Variants in CPEB3 observed in about 807,000 individuals in gnomAD.
The protein encoded by CPEB3 is cytoplasmic polyadenylation element binding protein 3, also known as cytoplasmic polyadenylation element-binding protein 3.
Under a neutral mutation model 67.2 loss-of-function variants are expected in CPEB3, and 20 were observed. That is an observed-to-expected ratio of 0.30 (90% CI 0.21 to 0.43). The LOEUF (loss-of-function observed/expected upper bound fraction) is 0.43. Ranked by LOEUF, CPEB3 falls within the 20% of genes least tolerant of loss-of-function variation. The pLI is 1.00. For synonymous variants in CPEB3, 376 were observed against 393.1 expected (o/e 0.96, Z 0.51); for missense variants, 746 against 968.6 (o/e 0.77, Z 3.05).
At chr10:92,231,979 C>T (rs1036368313) in intron 2 of CPEB3, among the ~76,000 whole-genome samples, 5 of 151,738 alleles carry the variant, frequency 3.3e-5, no homozygotes, top group Non-Finnish European at 5.9e-5. Flanking sequence ...CTCAGCCTCC[C>T]AAAGTGCTGG....
intron 9 of CPEB3, among the ~76,000 whole-genome samples, chr10:92,068,712 AC>A (rs1181160275): frequency 2.6e-5 from 4 of 152,242 alleles, no homozygotes; most frequent in Non-Finnish European, 5.9e-5. Context: ...ACATGAAAGA[AC>A]AGAGGAGGAC....
chr10:92,231,654 TG>T (rs1851272921), intron 2 of CPEB3, among the ~76,000 whole-genome samples: 1 of 152,202 alleles, frequency 6.6e-6, no homozygotes, highest in Non-Finnish European at 1.5e-5. Flanking sequence ...TGTCCACTAC[TG>T]TATGCTCCCC....
chr10:92,147,276 T>G (rs972065953), intron 4 of CPEB3, among the ~76,000 whole-genome samples: 1 of 151,990 alleles, frequency 6.6e-6, no homozygotes, highest in African/African-American at 2.4e-5. Flanking sequence ...GGAAACATGG[T>G]GAAACTCTGT....
intron 6 of CPEB3, chr10:92,119,107 TG>T (rs1845197121): frequency 6.3e-7 from 1 of 1,585,894 alleles, no homozygotes; most frequent in Non-Finnish European, 8.7e-7. Context: ...TATACCAGTC[TG>T]GAGTGGCTGT....
chr10:92,137,500 C>A (rs1846160036), intron 6 of CPEB3: 1 of 1,008,044 alleles, frequency 9.9e-7, no homozygotes, highest in East Asian at 2.4e-5. Context: ...AGCCACAAGG[C>A]CTTCTGATGT....
chr10:92,093,000 T>G (rs1429255616), intron 7 of CPEB3, among the ~76,000 whole-genome samples: 2 of 152,226 alleles, frequency 1.3e-5, no homozygotes, highest in African/African-American at 4.8e-5. Flanking sequence ...ATAAGGTATT[T>G]CTTTAGAATT....
At chr10:92,284,164 G>T (rs1416901742) in intron 1 of CPEB3, among the ~76,000 whole-genome samples, 2 of 151,290 alleles carry the variant, frequency 1.3e-5, no homozygotes, top group East Asian at 1.9e-4. Flanking sequence ...TTAGCCTCTT[G>T]ACTAGCTGGG....
chr10:92,283,373 C>T (rs1655356378), intron 1 of CPEB3, among the ~76,000 whole-genome samples: 1 of 152,164 alleles, frequency 6.6e-6, no homozygotes. Context: ...AATGAATTTT[C>T]TCATTTATTC....
At chr10:92,092,232 G>C (rs897582732) in intron 7 of CPEB3, among the ~76,000 whole-genome samples, 1 of 152,124 alleles carries the variant, frequency 6.6e-6, no homozygotes, top group African/African-American at 2.4e-5. Context: ...GGCTTTTAGA[G>C]ACAGAGTCTG....
chr10:92,222,547 A>G (rs1406514683), intron 2 of CPEB3, among the ~76,000 whole-genome samples: 1 of 152,186 alleles, frequency 6.6e-6, no homozygotes, highest in East Asian at 1.9e-4. Flanking sequence ...GAAGAGGGAA[A>G]AAGAGAAATT....
At chr10:92,184,039 A>T (rs1228244339) in intron 3 of CPEB3, among the ~76,000 whole-genome samples, 1 of 152,206 alleles carries the variant, frequency 6.6e-6, no homozygotes, top group South Asian at 2.1e-4. Context: ...CCTTTCCATA[A>T]GCTCCTAGAA....
chr10:92,210,934 G>C (rs1850050197), intron 2 of CPEB3, among the ~76,000 whole-genome samples: 1 of 152,190 alleles, frequency 6.6e-6, no homozygotes, highest in Non-Finnish European at 1.5e-5. Flanking sequence ...TACTCAGGAG[G>C]CTGAGGCAGG....
chr10:92,054,830 T>C (rs1255212874), intron 9 of CPEB3, among the ~76,000 whole-genome samples: 2 of 152,230 alleles, frequency 1.3e-5, no homozygotes. Flanking sequence ...CAGTTGGATA[T>C]TGTTCCTGCT....
At chr10:92,273,474 C>A (rs947375785) in intron 1 of CPEB3, among the ~76,000 whole-genome samples, 7 of 152,006 alleles carry the variant, frequency 4.6e-5, no homozygotes, top group South Asian at 2.1e-4. Context: ...AGATATAATA[C>A]CCTCACAAAG....
chr10:92,223,393 T>C (rs1850793292), intron 2 of CPEB3, among the ~76,000 whole-genome samples: 1 of 152,116 alleles, frequency 6.6e-6, no homozygotes. Flanking sequence ...AAAACCCACC[T>C]GATTTACGAG....
chr10:92,177,507 T>G (rs1848274973), intron 4 of CPEB3, among the ~76,000 whole-genome samples: 1 of 152,214 alleles, frequency 6.6e-6, no homozygotes, highest in African/African-American at 2.4e-5. Context: ...ATTCTTACTA[T>G]TAATAGATTC....
chr10:92,194,868 C>T (rs887919907), intron 2 of CPEB3, among the ~76,000 whole-genome samples: 4 of 151,896 alleles, frequency 2.6e-5, no homozygotes, highest in African/African-American at 4.8e-5. Flanking sequence ...GGTGAAACTC[C>T]GTCTCTACTA....
chr10:92,184,445 A>G (rs182185791), intron 3 of CPEB3, among the ~76,000 whole-genome samples: 19 of 152,264 alleles, frequency 1.2e-4, no homozygotes, highest in Non-Finnish European at 2.1e-4. Flanking sequence ...TCTACTAAAA[A>G]TACAAAAAAA....
At chr10:92,091,600 T>C (rs1207269957) in intron 8 of CPEB3, among the ~76,000 whole-genome samples, 6 of 152,236 alleles carry the variant, frequency 3.9e-5, no homozygotes, top group Non-Finnish European at 7.3e-5. Flanking sequence ...CTAAATAGAA[T>C]TCATTTTGTC....
Sources: allele counts gnomAD v4.1 joint callset (sites outside exome capture counted in the v4.1 genomes callset), GRCh38; gene constraint gnomAD v4.1.1; transcripts MANE v1.5; gene names NCBI Gene and HGNC (gene_info 2026-07-23, HGNC 2026-07-21).